The following EDIL3 variants were observed in gnomAD, a reference collection of about 807,000 sequenced individuals.
EDIL3 encodes the protein EGF like and discoidin domains 3, also known as EGF-like repeat and discoidin I-like domain-containing protein 3.
EDIL3 carries 37 observed loss-of-function variants against 67.4 expected under a neutral mutation model. The observed-to-expected ratio is 0.55, with a 90% CI of 0.42 to 0.72. The LOEUF (loss-of-function observed/expected upper bound fraction) is 0.72. Ranked by LOEUF, EDIL3 falls within the 30% of genes least tolerant of loss-of-function variation. The probability of loss-of-function intolerance (pLI) is 0.00; values close to 1 mark genes in which losing one functional copy is unlikely to be tolerated. For synonymous variants in EDIL3, 195 were observed against 196.3 expected, an observed-to-expected ratio of 0.99 and a Z score of 0.05; for missense variants, 527 against 586.3, an observed-to-expected ratio of 0.90 and a Z score of 1.04.
At chr5:84,057,044 A>G (rs1397407181) in intron 9 of EDIL3, among the ~76,000 whole-genome samples, 3 of 152,136 alleles carry the variant, frequency 2.0e-5, no homozygotes, top group African/African-American at 7.2e-5. Context: ...TTTTTCTTGC[A>G]TGATGTCACA....
chr5:84,092,529 T>G (rs190178932), intron 6 of EDIL3, among the ~76,000 whole-genome samples: 362 of 152,322 alleles, frequency 2.4e-3, no homozygotes, highest in African/African-American at 8.2e-3. Flanking sequence ...CTATAACTCT[T>G]TGTGTTCTGT....
At position 83,943,235 on chromosome 5, in the gene EDIL3, T is replaced by C; in HGVS notation, c.*184A>G. The C allele has an allele frequency of 1.5e-6, 1 of 648,428 alleles. No individual in the cohort carries two copies. The highest frequency in any genetic ancestry group is 1.9e-5 in the African/African-American group (1 of 53,744). 40.2% of individuals were successfully genotyped at this position (648,428 alleles called of 1,614,324 possible). A position where few individuals can be genotyped will look rare whatever the true frequency, so the allele number is the denominator to read the frequency against. ...ATTTGACGGATAAAATAAAATCAAA[T>C]TAAATCATTGAAAAGGCAGGCTTAG... is the stretch of plus-strand genomic sequence containing the variant. On this transcript the variant is annotated 3_prime_UTR_variant, in exon 11 of 11. Transcript: ENST00000296591.
intron 1 of EDIL3, among the ~76,000 whole-genome samples, chr5:84,283,599 T>A (rs2112110069): frequency 6.6e-6 from 1 of 152,282 alleles, no homozygotes; most frequent in Non-Finnish European, 1.5e-5. Flanking sequence ...CAAATCCCTG[T>A]CCACATTTCT....
chr5:84,235,758 T>C (rs1018019722), intron 2 of EDIL3, among the ~76,000 whole-genome samples: 15 of 152,014 alleles, frequency 9.9e-5, no homozygotes, highest in Admixed American at 5.3e-4. Flanking sequence ...TACATCTCTG[T>C]ATATGTTTCA....
intron 9 of EDIL3, among the ~76,000 whole-genome samples, chr5:83,987,854 GGT>G (rs141209055): frequency 8.8e-6 from 1 of 113,052 alleles, no homozygotes. Context: ...CAGCTGATAG[GGT>G]GTGTGTGTGT....
chr5:84,215,522 G>T (rs1744211136), intron 3 of EDIL3, among the ~76,000 whole-genome samples: 1 of 152,182 alleles, frequency 6.6e-6, no homozygotes. Flanking sequence ...AAAGTGCTGG[G>T]ATTACAGGCG....
At chr5:84,060,671 G>A (rs940631392) in intron 8 of EDIL3, among the ~76,000 whole-genome samples, 187 bp from the exon 9 acceptor site, 12 of 152,110 alleles carry the variant, frequency 7.9e-5, no homozygotes, top group Admixed American at 7.2e-4. Flanking sequence ...AAACAAGATA[G>A]TCAATTCAAG....
chr5:84,370,791 C>T (rs1747826521), intron 1 of EDIL3, among the ~76,000 whole-genome samples: 1 of 151,996 alleles, frequency 6.6e-6, no homozygotes. Flanking sequence ...CCATTTGTAC[C>T]ATGATTCACA....
chr5:84,014,464 G>A lies in EDIL3; in HGVS notation c.1137+45836C>T, dbSNP rs1463124573. Among the ~76,000 whole-genome samples, 8 of 152,136 alleles carry A rather than the reference G, an allele frequency of 5.3e-5. 1 individual carries two copies. Reference sequence around the variant, plus strand: ...GTTTGAGACCAGCCAGGCCAATGTGGTGAAACCCCGTGTCTACTAAAAATA... The same window carrying A: ...GTTTGAGACCAGCCAGGCCAATGTGATGAAACCCCGTGTCTACTAAAAATA... On this transcript the variant is annotated intron_variant, in intron 9 of 10. Transcript: ENST00000296591.
At chr5:84,060,184 G>T in intron 9 of EDIL3, 116 bp downstream of exon 9, 1 of 1,246,006 alleles carries the variant, frequency 8.0e-7, no homozygotes, top group Non-Finnish European at 1.1e-6. Context: ...TTAAACCGAA[G>T]ATGAAGGCAC....
intron 9 of EDIL3, among the ~76,000 whole-genome samples, chr5:83,970,020 TATCAA>T (rs1744763371): frequency 6.6e-6 from 1 of 151,634 alleles, no homozygotes; most frequent in Non-Finnish European, 1.5e-5. Flanking sequence ...TTATTTCCTT[TATCAA>T]ATCTCTACCT....
chr5:84,197,387 T>C (rs1296758262), intron 3 of EDIL3, among the ~76,000 whole-genome samples: 1 of 151,818 alleles, frequency 6.6e-6, no homozygotes, highest in East Asian at 1.9e-4. Flanking sequence ...GAAGGTGAGT[T>C]AGAGGTTTTC....
chr5:84,057,338 AT>A (rs1250342084), intron 9 of EDIL3, among the ~76,000 whole-genome samples: 1 of 152,236 alleles, frequency 6.6e-6, no homozygotes, highest in East Asian at 1.9e-4. Flanking sequence ...GAAATATGCC[AT>A]TTGCAATCCC....
At chr5:84,091,372 C>T (rs746607704) in intron 6 of EDIL3, among the ~76,000 whole-genome samples, 2 of 152,128 alleles carry the variant, frequency 1.3e-5, no homozygotes, top group East Asian at 1.9e-4. Context: ...CATAACACTA[C>T]GGACAATGAA....
In EDIL3 at chr5:84,027,228, G is replaced by A. The variant is rs553000634; in HGVS notation, c.1137+33072C>T. 1.1e-4 allele frequency among the ~76,000 whole-genome samples: 16 copies of A among 152,236 alleles called. 1 individual carries two copies. Among genetic ancestry groups the A allele is most frequent in the South Asian group, 1.0e-3 (5 of 4,820 alleles). On this transcript the variant is annotated intron_variant, in intron 9 of 10. Coordinates refer to ENST00000296591, the MANE Select transcript of EDIL3 (RefSeq NM_005711.5). ...ATTACCATGGAGAACAGCATGTGTC[G>A]CTTACTATAAGAGTGTCTACAAGTT...
At chr5:84,138,913 A>G (rs1748139584) in intron 4 of EDIL3, among the ~76,000 whole-genome samples, 1 of 152,190 alleles carries the variant, frequency 6.6e-6, no homozygotes. Flanking sequence ...GAATCTGCTA[A>G]TCTCTAAAAA....
At chr5:84,229,922 G>T (rs1192337992) in intron 2 of EDIL3, 38 bp from the exon 3 acceptor site, 1 of 1,508,354 alleles carries the variant, frequency 6.6e-7, no homozygotes, top group East Asian at 2.5e-5. Flanking sequence ...GGGTGGGGTA[G>T]AAGTGAAGGG....
At chr5:84,072,387 A>C (rs1746755529) in intron 6 of EDIL3, among the ~76,000 whole-genome samples, 1 of 152,096 alleles carries the variant, frequency 6.6e-6, no homozygotes, top group Non-Finnish European at 1.5e-5. Context: ...TAAAAAAGTA[A>C]ATTAAATCTA....
chr5:84,246,663 A>C (rs757264114), intron 2 of EDIL3, among the ~76,000 whole-genome samples: 29 of 152,182 alleles, frequency 1.9e-4, no homozygotes, highest in Non-Finnish European at 3.1e-4. Flanking sequence ...CTTTACCACA[A>C]ACTGGCTTTT....
Sources: gnomAD v4.1 joint callset for allele counts (sites outside exome capture counted in the v4.1 genomes callset) on GRCh38, gnomAD v4.1.1 for gene constraint, MANE v1.5 for transcripts, NCBI Gene and HGNC (gene_info 2026-07-23, HGNC 2026-07-21) for gene names.